Variants in PER2 observed in about 807,000 individuals in gnomAD.
PER2 encodes the protein period circadian protein homolog 2.
Under a neutral mutation model 121.0 loss-of-function variants are expected in PER2, and 66 were observed. The observed-to-expected ratio is 0.55, with a 90% confidence interval of 0.45 to 0.67. The LOEUF (loss-of-function observed/expected upper bound fraction) is 0.67. PER2 is among the 30% of genes least tolerant of loss of function. The probability of loss-of-function intolerance (pLI) is 0.00; values close to 1 mark genes in which losing one functional copy is unlikely to be tolerated. For synonymous variants in PER2, 684 were observed against 659.9 expected (o/e 1.04, Z -0.56); for missense variants, 1,521 against 1,635.0 (o/e 0.93, Z 1.20).
In PER2 at chr2:238,262,211, A is replaced by C; in HGVS notation, c.1287T>G (p.Ile429Met). The C allele has an allele frequency of 1.2e-6, 2 of 1,613,898 alleles. No homozygotes were observed. The highest frequency in any genetic ancestry group is 1.7e-6 in the Non-Finnish European group (2 of 1,179,996). The change falls in exon 11 of 23, where the codon ATT (isoleucine) becomes ATG (methionine). Residue 429 changes from isoleucine to methionine, a missense_variant. Coordinates refer to ENST00000254657, the MANE Select transcript of PER2 (RefSeq NM_022817.3). ...CTCACACCCTGACTTTGTGCCTCCC[A>C]ATGATGAAGGAGATTTTCCTGCTCC... ...NPWSRKISFI[I>M]GRHKVRVGPL...
chr2:238,290,001 C>G (rs1367546770), upstream of PER2: 2 of 152,284 alleles, frequency 1.3e-5, no homozygotes, highest in Admixed American at 6.5e-5. Flanking sequence ...CGCAGCATCT[C>G]TCTTTACTCT....
upstream of PER2, chr2:238,289,006 C>G (rs927519711): frequency 2.6e-5 from 4 of 152,230 alleles, no homozygotes; most frequent in African/African-American, 9.6e-5. Context: ...TCGTGCTACC[C>G]GTCGTCCTCC....
chr2:238,256,057 T>C (rs1695751408), intron 17 of PER2, 146 bp from the exon 18 acceptor site: 1 of 1,066,046 alleles, frequency 9.4e-7, no homozygotes, highest in East Asian at 2.4e-5. Flanking sequence ...CACAGCGTTT[T>C]CATTTAGCTT....
chr2:238,259,420 G>C (rs1235039070), intron 14 of PER2, among the ~76,000 whole-genome samples: 1 of 152,236 alleles, frequency 6.6e-6, no homozygotes, highest in Non-Finnish European at 1.5e-5. Context: ...CTGTGAAGCT[G>C]CCTGGGAAGT....
At chr2:238,290,676 A>G (rs1196104026), upstream of PER2, among the ~76,000 whole-genome samples, 1 of 152,002 alleles carries the variant, frequency 6.6e-6, no homozygotes, top group Non-Finnish European at 1.5e-5. Context: ...CTTCTTTCCT[A>G]TTATTGGAAA....
intron 22 of PER2, among the ~76,000 whole-genome samples, chr2:238,248,459 A>AG (rs1198235280): frequency 6.6e-6 from 1 of 152,104 alleles, no homozygotes; most frequent in Non-Finnish European, 1.5e-5. Flanking sequence ...AGGGACACTG[A>AG]GGGTTTGTGA....
In PER2 at chr2:238,256,974, G is replaced by C; in HGVS notation, c.2013C>G (p.Ser671Arg). ...ESVASLTSQC[S>R]YSSTIVHVGD... ...CCACATGGACGATGGTGCTGCTGTA[G>C]CTGCACTGGCTGGTGAGCGACGCCA... The change falls in exon 17 of 23, where the codon AGC (serine) becomes AGG (arginine). Residue 671 changes from serine (S) to arginine (R), a missense_variant. Coordinates refer to ENST00000254657, the MANE Select transcript of PER2 (RefSeq NM_022817.3). The C allele has an allele frequency of 6.2e-7, 1 of 1,614,104 alleles. No individual in the cohort carries two copies. The highest frequency in any genetic ancestry group is 8.5e-7 in the Non-Finnish European group (1 of 1,180,024).
intron 12 of PER2, among the ~76,000 whole-genome samples, 187 bp from the exon 13 acceptor site, chr2:238,261,140 G>T (rs559175623): frequency 1.2e-4 from 19 of 152,226 alleles, no homozygotes; most frequent in African/African-American, 4.3e-4. Flanking sequence ...GCCTCCAGCC[G>T]CGGTGCCCCG....
intron 16 of PER2, 56 bp downstream of exon 16, chr2:238,258,220 T>C: frequency 4.4e-6 from 7 of 1,594,600 alleles, no homozygotes; most frequent in Middle Eastern, 1.7e-4. Context: ...CGTCTGACTC[T>C]ACTCCAGAGG....
At chr2:238,257,701 T>C (rs1019536732) in intron 16 of PER2, among the ~76,000 whole-genome samples, 2 of 152,234 alleles carry the variant, frequency 1.3e-5, no homozygotes, top group Non-Finnish European at 2.9e-5. Flanking sequence ...CTTGAACTCC[T>C]GACCTCAAGT....
rs984622588 is a variant in PER2 at position 238,245,442 on chromosome 2, C to T, written c.*933G>A. 1.8e-5 allele frequency: 7 copies of T among 397,150 alleles called. No homozygotes were observed. The highest frequency in any genetic ancestry group is 6.3e-4 in the Middle Eastern group (1 of 1,586). The allele number at this position is 397,150 out of a possible 1,614,324, so 24.6% of individuals were successfully genotyped here. A position where few individuals can be genotyped will look rare whatever the true frequency, so the allele number is the denominator to read the frequency against. ...CAGACTGAGTGGCAGTGGCTGCTCT[C>T]GGCCAGGAGATGTGATGTGGGCTTG... On this transcript the variant is annotated 3_prime_UTR_variant, in exon 23 of 23. Coordinates refer to ENST00000254657, the MANE Select transcript of PER2 (RefSeq NM_022817.3).
intron 13 of PER2, among the ~76,000 whole-genome samples, 191 bp downstream of exon 13, chr2:238,260,637 G>A (rs910775586): frequency 6.6e-6 from 1 of 152,284 alleles, no homozygotes; most frequent in African/African-American, 2.4e-5. Flanking sequence ...CCAACACTTA[G>A]CTATGGTTTC....
chr2:238,289,506 G>A (rs71426513), upstream of PER2: 10,468 of 152,312 alleles, frequency 0.069, 510 homozygotes, highest in South Asian at 0.13. Flanking sequence ...TGTTACTCTG[G>A]GGAGGTACAA....
At chr2:238,274,733 C>G (rs897835211) in intron 4 of PER2, among the ~76,000 whole-genome samples, 1 of 152,208 alleles carries the variant, frequency 6.6e-6, no homozygotes, top group Non-Finnish European at 1.5e-5. Context: ...ATCCCAGGGG[C>G]ACCGGATTTC....
At chr2:238,297,841 A>G in the PER2 span, among the ~76,000 whole-genome samples, 1 of 152,084 alleles carries the variant, frequency 6.6e-6, no homozygotes, top group South Asian at 2.1e-4. Flanking sequence ...CCAAAATCCA[A>G]GGCATGGTTT....
Position 238,261,799 on chromosome 2 carries a change from C to A in PER2, c.1346G>T (p.Cys449Phe). 1 of 1,575,966 alleles carries A rather than the reference C, an allele frequency of 6.3e-7. No individual in the cohort carries two copies. The highest frequency in any genetic ancestry group is 2.3e-5 in the East Asian group (1 of 42,764). ...LNEDVFAAHP[C>F]TEEKALHPSI... ...GGGGTGCAGGGCCTTCTCCTCTGTG[C>A]AGGGGTGGGCTGCAAACACGTCCTC... The change falls in exon 12 of 23, where the codon TGC (cysteine) becomes TTC (phenylalanine). Residue 449 changes from cysteine (C) to phenylalanine (F), a missense_variant. Cys to Phe is a radical substitution (Grantham distance 205, BLOSUM62 -2). Coordinates refer to ENST00000254657, the MANE Select transcript of PER2 (RefSeq NM_022817.3).
At position 238,268,337 on chromosome 2, in the gene PER2, C is replaced by A; in HGVS notation, c.825-139G>T. The A allele has an allele frequency of 1.1e-6, 1 of 873,474 alleles. No individual in the cohort carries two copies. The highest frequency in any genetic ancestry group is 2.6e-5 in the East Asian group (1 of 37,898). 54.1% of individuals were successfully genotyped at this position (873,474 alleles called of 1,614,324 possible). On this transcript the variant is annotated intron_variant, in intron 7 of 22. Coordinates refer to ENST00000254657, the MANE Select transcript of PER2 (RefSeq NM_022817.3). The surrounding 1 kb of genome is among the most constrained non-coding windows in gnomAD (Gnocchi z 4.0). The stretch of plus-strand genomic sequence containing the variant: ...TCTGCCTGAGGAGCTGGGCCTGCCC[C>A]CTGCCCTCTTCGGTCCCTCCCTCAG...
At chr2:238,288,927 CTTT>C (rs972732182), upstream of PER2, among the ~76,000 whole-genome samples, 1 of 152,224 alleles carries the variant, frequency 6.6e-6, no homozygotes, top group African/African-American at 2.4e-5. Context: ...GCCCGTCGCT[CTTT>C]TTACATAAGA....
intron 16 of PER2, 76 bp downstream of exon 16, chr2:238,258,200 G>A: frequency 6.7e-7 from 1 of 1,493,340 alleles, no homozygotes. Context: ...GTCCACAGAA[G>A]CCATGGGGAC....
Sources: allele counts gnomAD v4.1 joint callset (sites outside exome capture counted in the v4.1 genomes callset), GRCh38; gene constraint gnomAD v4.1.1; non-coding constraint Gnocchi (gnomAD v3.1); transcripts MANE v1.5; gene names NCBI Gene and HGNC (gene_info 2026-07-23, HGNC 2026-07-21).